LRRFIP2: variants seen among roughly 807,000 people sequenced by gnomAD.
LRRFIP2 encodes leucine-rich repeat flightless-interacting protein 2.
A neutral mutation model predicts 125.9 loss-of-function variants in LRRFIP2; 109 were observed. The ratio of observed to expected loss-of-function variants is 0.87; its 90% CI spans 0.74 to 1.01. The LOEUF (loss-of-function observed/expected upper bound fraction) is 1.01, where lower values mean the gene tolerates loss of function less well. Among genes scored for constraint, LRRFIP2 ranks in the 50% least tolerant of loss-of-function variants. The probability of loss-of-function intolerance (pLI) is 0.00; values close to 1 mark genes in which losing one functional copy is unlikely to be tolerated. For missense variants in LRRFIP2, 850 were observed against 862.3 expected, an observed-to-expected ratio of 0.99 and a Z score of 0.18; for synonymous variants, 291 against 293.1, an observed-to-expected ratio of 0.99 and a Z score of 0.07.
intron 27 of LRRFIP2, 110 bp downstream of exon 27, chr3:37,054,301 T>A: frequency 1.2e-6 from 1 of 826,934 alleles, no homozygotes; most frequent in Non-Finnish European, 1.9e-6. Flanking sequence ...GTTAAGTGAC[T>A]CCACTGCTGT....
At chr3:37,108,741 G>A (rs1036851177) in intron 11 of LRRFIP2, 57 bp from the exon 12 acceptor site, 6 of 1,432,722 alleles carry the variant, frequency 4.2e-6, no homozygotes, top group African/African-American at 1.4e-5. Flanking sequence ...TTTTGAAAAT[G>A]ACTTAATGTT....
chr3:37,134,659 T>C (rs764816124), intron 2 of LRRFIP2: 34 of 649,992 alleles, frequency 5.2e-5, no homozygotes, highest in Non-Finnish European at 9.1e-5. Flanking sequence ...GCACATACTA[T>C]GGCACTAAGA....
chr3:37,087,856 C>A (rs1470734945), intron 18 of LRRFIP2, among the ~76,000 whole-genome samples: 1 of 152,164 alleles, frequency 6.6e-6, no homozygotes, highest in African/African-American at 2.4e-5. Flanking sequence ...CCCCATAGTG[C>A]TGTGATTATA....
chr3:37,081,774 G>A (rs1482731781), intron 19 of LRRFIP2, among the ~76,000 whole-genome samples: 1 of 151,652 alleles, frequency 6.6e-6, no homozygotes, highest in Non-Finnish European at 1.5e-5. Context: ...TGTAGTCCCA[G>A]CTACTCAGGA....
chr3:37,165,966 G>T (rs984272159), intron 1 of LRRFIP2, among the ~76,000 whole-genome samples: 1 of 152,144 alleles, frequency 6.6e-6, no homozygotes, highest in Non-Finnish European at 1.5e-5. Flanking sequence ...TCATGATATT[G>T]AATTTGGCAA....
At position 37,066,461 on chromosome 3, in the gene LRRFIP2, A is replaced by G. The variant is rs569659364; in HGVS notation, c.1465-136T>C. The G allele has an allele frequency of 1.4e-5, 10 of 704,150 alleles. No homozygotes were observed. The East Asian group carries it at 1.9e-4, about 13-fold the overall frequency. 43.6% of individuals were successfully genotyped at this position (704,150 alleles called of 1,614,324 possible). A position where few individuals can be genotyped will look rare whatever the true frequency, so the allele number is the denominator to read the frequency against. On this transcript the variant is annotated intron_variant, in intron 21 of 27. Coordinates refer to ENST00000336686, the MANE Select transcript of LRRFIP2 (RefSeq NM_006309.4). ...GAAAGCAGTCAAAAGATTGGAAACA[A>G]ACAGTCAGATATGGGAGGAAATACA... is the stretch of plus-strand genomic sequence containing the variant.
chr3:37,166,598 A>ACGTAATC (rs762772759), intron 1 of LRRFIP2, among the ~76,000 whole-genome samples: 5 of 151,974 alleles, frequency 3.3e-5, no homozygotes, highest in Non-Finnish European at 5.9e-5. Flanking sequence ...GGCTCAACAT[A>ACGTAATC]CGTAATCCCA....
chr3:37,109,612 T>C (rs2094477826), intron 10 of LRRFIP2, 41 bp from the exon 11 acceptor site: 1 of 1,613,912 alleles, frequency 6.2e-7, no homozygotes, highest in East Asian at 2.2e-5. Context: ...AAAAAGCAAC[T>C]GGTAGCTCTA....
At chr3:37,141,511 T>C (rs953233720) in intron 2 of LRRFIP2, among the ~76,000 whole-genome samples, 5 of 152,244 alleles carry the variant, frequency 3.3e-5, no homozygotes, top group Non-Finnish European at 5.9e-5. Flanking sequence ...CAAGGCTGTT[T>C]ATGGTGATAC....
chr3:37,092,837 G>A lies in LRRFIP2; in HGVS notation c.1036-1299C>T, dbSNP rs56189183. Reference sequence around the variant, plus strand: ...GTAAGACTCCTTTTCCAACCCTACCGACAATTTATTTTTTTTTTTGAGATG... The same window carrying A: ...GTAAGACTCCTTTTCCAACCCTACCAACAATTTATTTTTTTTTTTGAGATG... On this transcript the variant is annotated intron_variant, in intron 17 of 27. Coordinates refer to ENST00000336686, the MANE Select transcript of LRRFIP2 (RefSeq NM_006309.4). 7.8e-3 allele frequency among the ~76,000 whole-genome samples: 1,175 copies of A among 151,580 alleles called. 18 individuals carry two copies. Among genetic ancestry groups the A allele is most frequent in the African/African-American group, 0.027 (1,116 of 41,406 alleles).
intron 1 of LRRFIP2, among the ~76,000 whole-genome samples, chr3:37,164,096 C>G (rs571236118): frequency 2.0e-5 from 3 of 152,168 alleles, no homozygotes; most frequent in African/African-American, 7.2e-5. Context: ...GATGAAGACT[C>G]TTGAAAAATC....
At chr3:37,141,687 C>T (rs2095705395) in intron 2 of LRRFIP2, among the ~76,000 whole-genome samples, 1 of 152,188 alleles carries the variant, frequency 6.6e-6, no homozygotes, top group Admixed American at 6.5e-5. Flanking sequence ...TCCTGGTCCT[C>T]TAAGGCCTAA....
At chr3:37,107,577 T>A (rs2094388082) in intron 13 of LRRFIP2, among the ~76,000 whole-genome samples, 1 of 152,178 alleles carries the variant, frequency 6.6e-6, no homozygotes, top group African/African-American at 2.4e-5. Context: ...TTTATAAACT[T>A]TTAAAAATAC....
chr3:37,167,060 G>A (rs1308744628), intron 1 of LRRFIP2, among the ~76,000 whole-genome samples: 1 of 151,204 alleles, frequency 6.6e-6, no homozygotes, highest in African/African-American at 2.4e-5. Context: ...AGCTGAACAT[G>A]GTGGTACATG....
At chr3:37,135,028 C>G in intron 2 of LRRFIP2, 1 of 1,461,900 alleles carries the variant, frequency 6.8e-7, no homozygotes, top group Non-Finnish European at 9.6e-7. Context: ...TGCCAGAGAG[C>G]ACACGGATCC....
chr3:37,080,131 G>A (rs1288535097), intron 19 of LRRFIP2, among the ~76,000 whole-genome samples: 2 of 152,164 alleles, frequency 1.3e-5, no homozygotes, highest in African/African-American at 4.8e-5. Flanking sequence ...CAGGCGCAGT[G>A]GCTCACACCT....
intron 21 of LRRFIP2, among the ~76,000 whole-genome samples, chr3:37,070,010 A>G (rs2090884628): frequency 6.6e-6 from 1 of 152,100 alleles, no homozygotes; most frequent in African/African-American, 2.4e-5. Flanking sequence ...TCTTCACCAT[A>G]TCAAGGGCAA....
At chr3:37,093,750 A>T (rs1198655476) in intron 17 of LRRFIP2, among the ~76,000 whole-genome samples, 2 of 152,132 alleles carry the variant, frequency 1.3e-5, no homozygotes, top group Non-Finnish European at 2.9e-5. Context: ...AGCATACAAG[A>T]TGCTTTGTGA....
intron 1 of LRRFIP2, among the ~76,000 whole-genome samples, chr3:37,164,556 A>T (rs1324549217): frequency 6.6e-6 from 1 of 152,056 alleles, no homozygotes; most frequent in Non-Finnish European, 1.5e-5. Flanking sequence ...ATCTCTACTA[A>T]AAATACAAAA....
Sources: allele counts gnomAD v4.1 joint callset (sites outside exome capture counted in the v4.1 genomes callset), GRCh38; gene constraint gnomAD v4.1.1; transcripts MANE v1.5; gene names NCBI Gene and HGNC (gene_info 2026-07-23, HGNC 2026-07-21).